IAPP: variants seen among roughly 807,000 people sequenced by gnomAD.
IAPP encodes islet amyloid polypeptide.
In IAPP, 4 loss-of-function variants were observed where a neutral mutation model predicts 2.9. The ratio of observed to expected loss-of-function variants is 1.39; its 90% CI spans 0.69 to 3.19. The LOEUF (loss-of-function observed/expected upper bound fraction) is 3.19, where lower values mean the gene tolerates loss of function less well. Among genes scored for constraint, IAPP ranks in the 30% most tolerant of loss-of-function variants. IAPP has a pLI of 0.01. For synonymous variants in IAPP, 40 were observed against 42.1 expected (o/e 0.95, Z 0.19); for missense variants, 114 against 105.3 (o/e 1.08, Z -0.36).
intron 1 of IAPP, among the ~76,000 whole-genome samples, chr12:21,357,099 G>A (rs1938428295): frequency 6.6e-6 from 1 of 152,104 alleles, no homozygotes; most frequent in Admixed American, 6.6e-5. Flanking sequence ...AGAATGTCCA[G>A]AAAACCTTTA....
intron 1 of IAPP, among the ~76,000 whole-genome samples, chr12:21,356,886 A>T (rs931877900): frequency 5.3e-5 from 8 of 152,172 alleles, no homozygotes; most frequent in Non-Finnish European, 1.2e-4. Context: ...TCTTAAACAG[A>T]AAATATGCCT....
At chr12:21,362,507 C>A (rs1260150909) in intron 1 of IAPP, among the ~76,000 whole-genome samples, 2 of 152,124 alleles carry the variant, frequency 1.3e-5, no homozygotes, top group Non-Finnish European at 2.9e-5. Context: ...AGCAAAATAA[C>A]CAGCTAACAT....
chr12:21,361,252 C>T (rs1252681859), intron 1 of IAPP, among the ~76,000 whole-genome samples: 1 of 152,228 alleles, frequency 6.6e-6, no homozygotes, highest in Non-Finnish European at 1.5e-5. Flanking sequence ...TCAGCCTCCG[C>T]TGGTGATACC....
Position 21,374,921 on chromosome 12 carries a change from C to T in IAPP, c.80+1490C>T, listed in dbSNP as rs150986190. Reference sequence around the variant, plus strand: ...CTTGACATTCTAGGCTCAGGTGATCCTCCCACCTCAGCCTCCCAAGTAGCT... The same window carrying T: ...CTTGACATTCTAGGCTCAGGTGATCTTCCCACCTCAGCCTCCCAAGTAGCT... On this transcript the variant is annotated intron_variant, in intron 2 of 2. Coordinates refer to ENST00000240652, the MANE Select transcript of IAPP (RefSeq NM_000415.3). Among the ~76,000 whole-genome samples, 11 of 152,072 alleles carry T rather than the reference C, an allele frequency of 7.2e-5. 1 individual carries two copies. The highest frequency in any genetic ancestry group is 2.7e-4 in the African/African-American group (11 of 41,464).
intron 1 of IAPP, among the ~76,000 whole-genome samples, chr12:21,364,068 A>G (rs1474052091): frequency 6.6e-6 from 1 of 152,216 alleles, no homozygotes; most frequent in Non-Finnish European, 1.5e-5. Flanking sequence ...TCATCCTGAT[A>G]CCAAAGCCTG....
At chr12:21,362,127 G>A (rs1429030496) in intron 1 of IAPP, among the ~76,000 whole-genome samples, 1 of 152,150 alleles carries the variant, frequency 6.6e-6, no homozygotes, top group African/African-American at 2.4e-5. Context: ...AGGAAAAAAT[G>A]TTAAGGGCAG....
At chr12:21,363,745 A>C (rs1939134097) in intron 1 of IAPP, among the ~76,000 whole-genome samples, 2 of 152,222 alleles carry the variant, frequency 1.3e-5, no homozygotes, top group South Asian at 4.1e-4. Context: ...AATACAAACT[A>C]CTATCAGAGA....
chr12:21,378,443 A>G lies in IAPP; in HGVS notation c.*17A>G. On this transcript the variant is annotated 3_prime_UTR_variant, in exon 3 of 3. Transcript: ENST00000240652. Reference sequence around the variant, plus strand: ...CCCCTTTAGAGGACAATGTAACTCTATAGTTATTGTTTTATGTTCTAGTGA... The same window carrying G: ...CCCCTTTAGAGGACAATGTAACTCTGTAGTTATTGTTTTATGTTCTAGTGA... The G allele has an allele frequency of 1.3e-6, 2 of 1,590,610 alleles. No homozygotes were observed. The highest frequency in any genetic ancestry group is 1.1e-5 in the South Asian group (1 of 90,656).
chr12:21,367,998 T>C (rs144323888), upstream of IAPP, among the ~76,000 whole-genome samples: 28 of 152,252 alleles, frequency 1.8e-4, no homozygotes, highest in African/African-American at 6.0e-4. Flanking sequence ...CTAGCACTAT[T>C]TTTCAACCCC....
intron 1 of IAPP, among the ~76,000 whole-genome samples, chr12:21,358,223 G>C (rs924802318): frequency 1.3e-5 from 2 of 152,238 alleles, no homozygotes; most frequent in Admixed American, 1.3e-4. Context: ...GTGAATCTGT[G>C]ATACAAAGAG....
intron 1 of IAPP, among the ~76,000 whole-genome samples, chr12:21,362,933 C>A (rs557508113): frequency 2.0e-4 from 31 of 152,264 alleles, no homozygotes; most frequent in African/African-American, 6.7e-4. Flanking sequence ...TAGACTCCCA[C>A]ACAATAATAA....
At chr12:21,359,866 T>C (rs569050437) in intron 1 of IAPP, among the ~76,000 whole-genome samples, 3 of 152,322 alleles carry the variant, frequency 2.0e-5, no homozygotes, top group African/African-American at 7.2e-5. Flanking sequence ...GCTTTATTTG[T>C]AATAGCCTCA....
At chr12:21,367,309 A>G (rs2045939) in intron 1 of IAPP, among the ~76,000 whole-genome samples, 49,108 of 152,016 alleles carry the variant, frequency 0.32, 8,239 homozygotes, top group East Asian at 0.46. Context: ...AAATAAGGAC[A>G]TAAATCAAGA....
intron 2 of IAPP, chr12:21,376,320 G>T: frequency 2.8e-6 from 1 of 351,986 alleles, no homozygotes; most frequent in Non-Finnish European, 5.8e-6. Flanking sequence ...TACTTTTTTT[G>T]AGATGTTTGG....
chr12:21,357,048 T>C (rs1020392055), intron 1 of IAPP, among the ~76,000 whole-genome samples: 32 of 151,574 alleles, frequency 2.1e-4, no homozygotes, highest in Non-Finnish European at 2.7e-4. Context: ...ACGAACAAAA[T>C]CTACTGAGCT....
At chr12:21,368,436 C>A (rs1029867569), upstream of IAPP, among the ~76,000 whole-genome samples, 1 of 151,382 alleles carries the variant, frequency 6.6e-6, no homozygotes, top group African/African-American at 2.4e-5. Flanking sequence ...CAAATGCAAT[C>A]TTGTTTAGAT....
chr12:21,377,597 C>T (rs1302168323), intron 2 of IAPP, among the ~76,000 whole-genome samples: 1 of 152,096 alleles, frequency 6.6e-6, no homozygotes, highest in Admixed American at 6.6e-5. Context: ...AACCACCATT[C>T]CACTCTTTAA....
chr12:21,355,293 A>G (rs1479903415), intron 1 of IAPP, among the ~76,000 whole-genome samples: 1 of 152,172 alleles, frequency 6.6e-6, no homozygotes, highest in Admixed American at 6.6e-5. Context: ...TTCCTGAAGT[A>G]TGGCTTTATC....
chr12:21,362,207 GAA>G (rs2137051898), intron 1 of IAPP, among the ~76,000 whole-genome samples: 1 of 152,260 alleles, frequency 6.6e-6, no homozygotes, highest in East Asian at 1.9e-4. Context: ...TCTCTCGGCA[GAA>G]ACTCTACAAG....
Sources: allele counts gnomAD v4.1 joint callset (sites outside exome capture counted in the v4.1 genomes callset), GRCh38; gene constraint gnomAD v4.1.1; transcripts MANE v1.5; gene names NCBI Gene and HGNC (gene_info 2026-07-23, HGNC 2026-07-21).